Variants in KLF17 observed in about 807,000 individuals in gnomAD.
KLF17 encodes KLF transcription factor 17.
Under a neutral mutation model 34.2 loss-of-function variants are expected in KLF17, and 31 were observed. The ratio of observed to expected loss-of-function variants is 0.91; its 90% CI spans 0.68 to 1.22. The LOEUF is 1.22. Among genes scored for constraint, KLF17 ranks in the 50% most tolerant of loss-of-function variants. KLF17 has a pLI of 0.00. For missense variants in KLF17, 478 were observed against 505.2 expected (o/e 0.95, Z 0.52); for synonymous variants, 179 against 186.7 (o/e 0.96, Z 0.34).
chr1:44,062,871 C>T, the KLF17 span, among the ~76,000 whole-genome samples: 1 of 152,174 alleles, frequency 6.6e-6, no homozygotes, highest in Non-Finnish European at 1.5e-5. Flanking sequence ...CTGTGACCAA[C>T]AATTCTATTC....
At chr1:44,091,907 C>G in the KLF17 span, among the ~76,000 whole-genome samples, 1 of 128,126 alleles carries the variant, frequency 7.8e-6, no homozygotes, top group Non-Finnish European at 1.7e-5. Flanking sequence ...GAGAAAAACT[C>G]TGTCTCAAAA....
At chr1:44,089,574 C>A in the KLF17 span, among the ~76,000 whole-genome samples, 19 of 152,254 alleles carry the variant, frequency 1.2e-4, no homozygotes, top group Admixed American at 1.0e-3. Context: ...TGCAGCTGGG[C>A]AACAAGTTCT....
the KLF17 span, among the ~76,000 whole-genome samples, chr1:44,069,512 G>GAGAAAGA: frequency 1.7e-5 from 2 of 114,548 alleles, no homozygotes; most frequent in African/African-American, 8.1e-5. The surrounding 1 kb of genome is among the most constrained non-coding windows in gnomAD (Gnocchi z 4.7). Flanking sequence ...GAGAGAGAGA[G>GAGAAAGA]AAGACAGGAG....
chr1:44,121,142 G>T (rs10890292), intron 1 of KLF17, among the ~76,000 whole-genome samples: 1 of 151,910 alleles, frequency 6.6e-6, no homozygotes, highest in African/African-American at 2.4e-5. Flanking sequence ...TTGAGACAGG[G>T]TCTTGGTGCT....
intron 1 of KLF17, among the ~76,000 whole-genome samples, chr1:44,128,560 C>A (rs1160934519): frequency 6.6e-6 from 1 of 152,160 alleles, no homozygotes; most frequent in African/African-American, 2.4e-5. Context: ...CCTGCCCAGG[C>A]AGTTCCCACT....
chr1:44,080,713 A>ATTTTTTTTTTTTTTTTTTTT, the KLF17 span, among the ~76,000 whole-genome samples: 1 of 92,674 alleles, frequency 1.1e-5, no homozygotes, highest in South Asian at 4.0e-4. Context: ...ATTATATTGA[A>ATTTTTTTTTTTTTTTTTTTT]TTTTTTTTTT....
chr1:44,093,247 A>G, the KLF17 span, among the ~76,000 whole-genome samples: 1 of 69,504 alleles, frequency 1.4e-5, no homozygotes, highest in Non-Finnish European at 3.5e-5. Flanking sequence ...ATAGAGTAAC[A>G]GGGGGAAAAT....
the KLF17 span, among the ~76,000 whole-genome samples, chr1:44,085,052 C>G: frequency 6.6e-6 from 1 of 151,236 alleles, no homozygotes; most frequent in Non-Finnish European, 1.5e-5. Context: ...ACTGTTCATT[C>G]ATTCAGTGAA....
the KLF17 span, among the ~76,000 whole-genome samples, chr1:44,089,031 G>A: frequency 6.6e-6 from 1 of 152,098 alleles, no homozygotes; most frequent in African/African-American, 2.4e-5. Context: ...AAATTAGCAG[G>A]AATTATCACA....
the KLF17 span, chr1:44,104,417 C>T: frequency 2.2e-6 from 2 of 896,672 alleles, no homozygotes; most frequent in East Asian, 2.4e-5. Flanking sequence ...ACTTCGTCTC[C>T]TGAATCTTGT....
chr1:44,074,000 G>A, the KLF17 span, among the ~76,000 whole-genome samples: 89 of 152,176 alleles, frequency 5.8e-4, no homozygotes, highest in Middle Eastern at 0.01. Flanking sequence ...TTCCTGGCAC[G>A]CAGTAGCTGC....
intron 1 of KLF17, chr1:44,122,409 C>G: frequency 6.4e-7 from 1 of 1,565,402 alleles, no homozygotes; most frequent in South Asian, 1.1e-5. Flanking sequence ...TGTATTCATG[C>G]TGACATCCAC....
chr1:44,099,391 A>G, the KLF17 span, among the ~76,000 whole-genome samples: 1 of 152,180 alleles, frequency 6.6e-6, no homozygotes, highest in Non-Finnish European at 1.5e-5. Flanking sequence ...ATGACAGAGC[A>G]AGACAGTCTT....
chr1:44,071,982 GT>G, the KLF17 span, among the ~76,000 whole-genome samples: 19 of 149,406 alleles, frequency 1.3e-4, no homozygotes, highest in African/African-American at 3.0e-4. Context: ...TCCTCCTACT[GT>G]TTTTTTTTGG....
chr1:44,069,508 G>T, the KLF17 span, among the ~76,000 whole-genome samples: 1 of 116,320 alleles, frequency 8.6e-6, no homozygotes, highest in East Asian at 2.6e-4. This position sits in a 1 kb window ranked among gnomAD's most constrained non-coding sequence, Gnocchi z 4.7. Flanking sequence ...GAGAGAGAGA[G>T]AGAGAAGACA....
chr1:44,063,883 T>A, the KLF17 span, among the ~76,000 whole-genome samples: 2 of 152,286 alleles, frequency 1.3e-5, no homozygotes, highest in South Asian at 4.1e-4. Context: ...TGTGCTTGTG[T>A]TGGATGCCTC....
intron 3 of KLF17, among the ~76,000 whole-genome samples, chr1:44,133,013 C>G (rs1045534185): frequency 6.6e-6 from 1 of 152,144 alleles, no homozygotes; most frequent in African/African-American, 2.4e-5. Context: ...TGGGTGTTTC[C>G]TGAACGAGGC....
At chr1:44,071,313 C>G in the KLF17 span, among the ~76,000 whole-genome samples, 1 of 152,320 alleles carries the variant, frequency 6.6e-6, no homozygotes. Flanking sequence ...CCACAGCTCA[C>G]CCCTCCTATG....
chr1:44,111,069 C>T, the KLF17 span, among the ~76,000 whole-genome samples: 1 of 152,200 alleles, frequency 6.6e-6, no homozygotes, highest in African/African-American at 2.4e-5. Flanking sequence ...TCACTGCAGC[C>T]TTGACCTCCT....
Sources: allele counts gnomAD v4.1 joint callset (sites outside exome capture counted in the v4.1 genomes callset), GRCh38; gene constraint gnomAD v4.1.1; non-coding constraint Gnocchi (gnomAD v3.1); transcripts MANE v1.5; gene names NCBI Gene and HGNC (gene_info 2026-07-23, HGNC 2026-07-21).